The following EXOC4 variants were observed in gnomAD, a reference collection of about 807,000 sequenced individuals.
EXOC4 encodes SEC8-like 1.
A neutral mutation model predicts 107.2 loss-of-function variants in EXOC4; 71 were observed. The observed-to-expected ratio is 0.66, with a 90% CI of 0.55 to 0.81. The LOEUF (loss-of-function observed/expected upper bound fraction) is 0.81. EXOC4 is among the 30% of genes least tolerant of loss of function. EXOC4 has a pLI of 0.00. For missense variants in EXOC4, 1,108 were observed against 1,189.6 expected, an observed-to-expected ratio of 0.93 and a Z score of 1.01; for synonymous variants, 456 against 441.2, an observed-to-expected ratio of 1.03 and a Z score of -0.42.
intron 3 of EXOC4, among the ~76,000 whole-genome samples, chr7:133,303,924 C>T (rs1033140705): frequency 5.3e-5 from 8 of 152,190 alleles, no homozygotes; most frequent in African/African-American, 1.9e-4. Flanking sequence ...AGTGAGCACT[C>T]AGGAGCTGCC....
chr7:133,418,590 G>A (rs1797531698), intron 7 of EXOC4, among the ~76,000 whole-genome samples: 1 of 152,166 alleles, frequency 6.6e-6, no homozygotes, highest in Non-Finnish European at 1.5e-5. Flanking sequence ...CATTCTTTAA[G>A]GGGTGATAAC....
At chr7:133,679,538 G>GAACGTCCA (rs370292722) in intron 10 of EXOC4, among the ~76,000 whole-genome samples, 1 of 143,048 alleles carries the variant, frequency 7.0e-6, no homozygotes, top group Non-Finnish European at 1.5e-5. Context: ...CCATCCGTCC[G>GAACGTCCA]TCCGTCCATC....
chr7:133,449,287 C>G (rs1395388835), intron 7 of EXOC4, among the ~76,000 whole-genome samples: 1 of 152,044 alleles, frequency 6.6e-6, no homozygotes, highest in Non-Finnish European at 1.5e-5. Context: ...CCCTAGAGAC[C>G]CCAGAGGGAG....
chr7:133,371,601 T>C (rs192232793), intron 6 of EXOC4, among the ~76,000 whole-genome samples: 1 of 152,334 alleles, frequency 6.6e-6, no homozygotes, highest in East Asian at 1.9e-4. Context: ...AATATTCTAT[T>C]GTATGAATAT....
chr7:134,069,419 CCT>C (rs1796241492), downstream of EXOC4, among the ~76,000 whole-genome samples: 1 of 150,266 alleles, frequency 6.7e-6, no homozygotes. Flanking sequence ...CTTCCTCCTT[CCT>C]CCTCTTCTCC....
At chr7:134,048,849 G>T (rs1218733128) in intron 17 of EXOC4, among the ~76,000 whole-genome samples, 1 of 152,092 alleles carries the variant, frequency 6.6e-6, no homozygotes, top group African/African-American at 2.4e-5. Flanking sequence ...CCTTCTAGAA[G>T]ATTGGCGTGG....
At chr7:133,497,886 GA>G (rs1799508102) in intron 9 of EXOC4, among the ~76,000 whole-genome samples, 1 of 152,190 alleles carries the variant, frequency 6.6e-6, no homozygotes, top group Non-Finnish European at 1.5e-5. Flanking sequence ...TTTGGAAGCT[GA>G]AAGGGGCTTT....
chr7:133,333,603 A>C lies in EXOC4; in HGVS notation c.763+16213A>C, dbSNP rs931247823. 2.0e-5 allele frequency among the ~76,000 whole-genome samples: 3 copies of C among 152,152 alleles called. No homozygotes were observed. In the East Asian group the frequency reaches 5.8e-4, roughly 29 times the overall value. On this transcript the variant is annotated intron_variant, in intron 5 of 17. Transcript: ENST00000253861. ...GTGTATATGTGTGTACACCATACAC[A>C]TGTATAGACAGAAACATATACATCT... is the stretch of plus-strand genomic sequence containing the variant.
chr7:133,283,635 A>G (rs1324509832), intron 2 of EXOC4, among the ~76,000 whole-genome samples: 1 of 152,162 alleles, frequency 6.6e-6, no homozygotes, highest in Non-Finnish European at 1.5e-5. Flanking sequence ...TTATTGAGGT[A>G]TAGTTTACGT....
chr7:133,586,122 A>G (rs1801397657), intron 9 of EXOC4, among the ~76,000 whole-genome samples: 1 of 141,530 alleles, frequency 7.1e-6, no homozygotes, highest in Non-Finnish European at 1.5e-5. Context: ...GTACATATAC[A>G]GGTTTGTTAG....
intron 9 of EXOC4, among the ~76,000 whole-genome samples, chr7:133,558,691 G>A (rs6968089): frequency 0.22 from 33,597 of 151,918 alleles, 4,295 homozygotes; most frequent in African/African-American, 0.33. Context: ...CTGTGACTAT[G>A]CTTACTGAAA....
intron 10 of EXOC4, among the ~76,000 whole-genome samples, chr7:133,677,439 C>G (rs570772359): frequency 2.6e-5 from 4 of 152,090 alleles, no homozygotes; most frequent in African/African-American, 9.6e-5. Flanking sequence ...TCTCAAATGT[C>G]AAATATATTG....
chr7:133,427,572 C>G (rs1412886253), intron 7 of EXOC4, among the ~76,000 whole-genome samples: 1 of 152,194 alleles, frequency 6.6e-6, no homozygotes, highest in African/African-American at 2.4e-5. Flanking sequence ...TTATCAGCTA[C>G]TCTGCACCCT....
At chr7:133,760,512 G>C (rs1480869711) in intron 10 of EXOC4, among the ~76,000 whole-genome samples, 1 of 151,992 alleles carries the variant, frequency 6.6e-6, no homozygotes, top group African/African-American at 2.4e-5. Flanking sequence ...GTCTTCTAGG[G>C]CAGATCTCTA....
At chr7:133,738,543 G>A (rs1795496752) in intron 10 of EXOC4, among the ~76,000 whole-genome samples, 1 of 152,158 alleles carries the variant, frequency 6.6e-6, no homozygotes, top group Non-Finnish European at 1.5e-5. Context: ...GACATTCTTT[G>A]TGATTAGCTA....
At chr7:133,399,406 A>G (rs1397239459) in intron 7 of EXOC4, among the ~76,000 whole-genome samples, 2 of 152,222 alleles carry the variant, frequency 1.3e-5, no homozygotes, top group Non-Finnish European at 2.9e-5. Context: ...GTCAGGGAAC[A>G]ACACAGTACC....
chr7:133,281,463 T>C (rs1430678518), intron 2 of EXOC4, among the ~76,000 whole-genome samples: 1 of 151,324 alleles, frequency 6.6e-6, no homozygotes, highest in Non-Finnish European at 1.5e-5. Flanking sequence ...CCAACAAAAT[T>C]CAACAAAAAC....
intron 5 of EXOC4, among the ~76,000 whole-genome samples, chr7:133,345,584 T>C (rs1795766125): frequency 6.6e-6 from 1 of 152,212 alleles, no homozygotes; most frequent in African/African-American, 2.4e-5. Flanking sequence ...TCATGTACAT[T>C]AAGTGCTATC....
intron 14 of EXOC4, among the ~76,000 whole-genome samples, chr7:133,955,275 G>A (rs1016759409): frequency 2.6e-5 from 4 of 152,184 alleles, no homozygotes; most frequent in Non-Finnish European, 5.9e-5. Context: ...ACCTGCAGTG[G>A]GTAACTCCTT....
Sources: allele counts gnomAD v4.1 joint callset (sites outside exome capture counted in the v4.1 genomes callset), GRCh38; gene constraint gnomAD v4.1.1; transcripts MANE v1.5; gene names NCBI Gene and HGNC (gene_info 2026-07-23, HGNC 2026-07-21).